The following PATJ variants were observed in gnomAD, a reference collection of about 807,000 sequenced individuals.
PATJ encodes the protein PATJ crumbs cell polarity complex component.
A neutral mutation model predicts 224.9 loss-of-function variants in PATJ; 190 were observed. That is an observed-to-expected ratio of 0.84 (90% confidence interval 0.75 to 0.95). The LOEUF (loss-of-function observed/expected upper bound fraction) is 0.95. Among genes scored for constraint, PATJ ranks in the 40% least tolerant of loss-of-function variants. PATJ has a pLI of 0.00. For missense variants in PATJ, 2,121 were observed against 2,270.3 expected (o/e 0.93, Z 1.34); for synonymous variants, 769 against 820.3 (o/e 0.94, Z 1.07).
chr1:61,891,813 A>G (rs1305335059), intron 22 of PATJ, among the ~76,000 whole-genome samples: 1 of 152,190 alleles, frequency 6.6e-6, no homozygotes, highest in African/African-American at 2.4e-5. Flanking sequence ...CTACTAAGAT[A>G]TGTATACATT....
intron 20 of PATJ, among the ~76,000 whole-genome samples, chr1:61,870,585 G>C (rs1460286433): frequency 6.6e-6 from 1 of 152,090 alleles, no homozygotes; most frequent in African/African-American, 2.4e-5. Context: ...GGTTCCTATA[G>C]GTCCCCACCA....
rs1213068460 is a variant in PATJ at position 61,874,296 on chromosome 1, G to A, written c.2836-947G>A. 2.0e-5 allele frequency among the ~76,000 whole-genome samples: 3 copies of A among 151,962 alleles called. No homozygotes were observed. In the South Asian group the frequency reaches 6.2e-4, roughly 32 times the overall value. On this transcript the variant is annotated intron_variant, in intron 20 of 43. Coordinates refer to ENST00000642238, the MANE Select transcript of PATJ (RefSeq NM_001350145.3). Reference sequence around the variant, plus strand: ...AGCTCACTGCAACTTCTGCCTCCCAGATTCAAGTGGTTCTCCTCAGCCTCC... The same window carrying A: ...AGCTCACTGCAACTTCTGCCTCCCAAATTCAAGTGGTTCTCCTCAGCCTCC...
chr1:61,992,490 C>T (rs1261864516), intron 28 of PATJ, among the ~76,000 whole-genome samples: 1 of 152,080 alleles, frequency 6.6e-6, no homozygotes. Flanking sequence ...CTTTAGTCTT[C>T]AGGGAATCAT....
At chr1:61,908,231 G>T in intron 24 of PATJ, 141 bp from the exon 25 acceptor site, 3 of 587,474 alleles carry the variant, frequency 5.1e-6, no homozygotes, top group Non-Finnish European at 6.0e-6. Flanking sequence ...GCTTTTTATG[G>T]GCCAATCTTA....
intron 17 of PATJ, among the ~76,000 whole-genome samples, chr1:61,855,783 C>T (rs1663558598): frequency 6.6e-6 from 1 of 152,074 alleles, no homozygotes; most frequent in African/African-American, 2.4e-5. Flanking sequence ...TAATCTCAAA[C>T]TCTTGAGCTC....
At chr1:61,873,879 G>A (rs1021462209) in intron 20 of PATJ, among the ~76,000 whole-genome samples, 1 of 152,340 alleles carries the variant, frequency 6.6e-6, no homozygotes, top group African/African-American at 2.4e-5. Flanking sequence ...GAGGAGCCTG[G>A]CCTCTTCAGC....
At chr1:62,003,901 C>T (rs1645940461) in intron 28 of PATJ, among the ~76,000 whole-genome samples, 1 of 152,050 alleles carries the variant, frequency 6.6e-6, no homozygotes, top group East Asian at 1.9e-4. Context: ...CTTCTCTCCT[C>T]CCCACCCCGA....
intron 27 of PATJ, among the ~76,000 whole-genome samples, chr1:61,931,290 G>T (rs1286388347): frequency 6.6e-6 from 1 of 152,110 alleles, no homozygotes; most frequent in Non-Finnish European, 1.5e-5. Flanking sequence ...TTAGATTCTG[G>T]TGGGGAGAAA....
chr1:62,128,905 T>G lies in PATJ; in HGVS notation c.5231T>G (p.Val1744Gly), dbSNP rs144099028. 1 of 1,613,498 alleles carries G rather than the reference T, an allele frequency of 6.2e-7. No individual in the cohort carries two copies. Among genetic ancestry groups the G allele is most frequent in the Non-Finnish European group, 8.5e-7 (1 of 1,179,480 alleles). Residue 1744 changes from valine (V) to glycine (G), a missense_variant, in exon 41 of 44, where the codon GTT (valine) becomes GGT (glycine). By Grantham distance (109) the Val-to-Gly change is moderately radical (BLOSUM62 -3). Coordinates refer to ENST00000642238, the MANE Select transcript of PATJ (RefSeq NM_001350145.3). ...GATGGGCTGTCTCACGCGGATGTGGTTAATCTGCTGAAGAACGCCTACGGG... is the reference window on the plus strand; with the variant it reads ...GATGGGCTGTCTCACGCGGATGTGGGTAATCTGCTGAAGAACGCCTACGGG... ...PLDGLSHADVVNLLKNAYGRI... is the reference protein window; with the variant it reads ...PLDGLSHADVGNLLKNAYGRI...
At chr1:61,986,007 TAAC>T in intron 27 of PATJ, among the ~76,000 whole-genome samples, 1 of 152,106 alleles carries the variant, frequency 6.6e-6, no homozygotes, top group South Asian at 2.1e-4. Context: ...ACTTTTAAGG[TAAC>T]AACCCCATTT....
intron 20 of PATJ, among the ~76,000 whole-genome samples, chr1:61,874,123 A>C (rs1401283418): frequency 6.6e-6 from 1 of 152,096 alleles, no homozygotes; most frequent in Non-Finnish European, 1.5e-5. Context: ...GTCATCCTTT[A>C]GCTGTGTCCT....
intron 7 of PATJ, among the ~76,000 whole-genome samples, chr1:61,776,022 C>T (rs1162350790): frequency 6.6e-6 from 1 of 152,028 alleles, no homozygotes; most frequent in Non-Finnish European, 1.5e-5. Flanking sequence ...TGATTATTGC[C>T]CAGTTACATA....
At chr1:61,871,954 C>T (rs1249580960) in intron 20 of PATJ, among the ~76,000 whole-genome samples, 1 of 151,674 alleles carries the variant, frequency 6.6e-6, no homozygotes, top group African/African-American at 2.4e-5. Context: ...GGTCCACCCA[C>T]CTCGGCCTCC....
chr1:62,117,380 G>A (rs1210734123), intron 37 of PATJ, 162 bp downstream of exon 37: 4 of 1,417,908 alleles, frequency 2.8e-6, no homozygotes, highest in Non-Finnish European at 3.7e-6. Context: ...AATGAAAGGT[G>A]GGATGGAAAT....
In PATJ at chr1:62,115,216, A is replaced by G. The variant is rs192557172; in HGVS notation, c.4655+970A>G. ...TCCCAGCTACTTGGGAGACTGAGGCAGGAGAATTGCTTGAACTTGGGAGGT... is the reference window on the plus strand; with the variant it reads ...TCCCAGCTACTTGGGAGACTGAGGCGGGAGAATTGCTTGAACTTGGGAGGT... On this transcript the variant is annotated intron_variant, in intron 35 of 43. Coordinates refer to ENST00000642238, the MANE Select transcript of PATJ (RefSeq NM_001350145.3). Among the ~76,000 whole-genome samples, 513 of 152,298 alleles carry G rather than the reference A, an allele frequency of 3.4e-3. 2 individuals carry two copies. The highest frequency in any genetic ancestry group is 0.012 in the African/African-American group (490 of 41,568).
At chr1:61,799,417 A>G (rs775483731) in intron 11 of PATJ, among the ~76,000 whole-genome samples, 21 of 152,104 alleles carry the variant, frequency 1.4e-4, no homozygotes, top group Non-Finnish European at 1.2e-4. Context: ...GGCTGGTCTC[A>G]AACTCCTGGC....
chr1:61,986,372 A>T (rs1644756035), intron 27 of PATJ, among the ~76,000 whole-genome samples: 1 of 152,076 alleles, frequency 6.6e-6, no homozygotes, highest in Non-Finnish European at 1.5e-5. Flanking sequence ...AATTTTATTT[A>T]AAAAACCTGT....
chr1:61,894,272 C>A (rs199604578), intron 22 of PATJ, among the ~76,000 whole-genome samples: 3,178 of 144,500 alleles, frequency 0.022, 70 homozygotes, highest in East Asian at 0.09. Flanking sequence ...AAAAAAAACA[C>A]AAAAAAAAAA....
At chr1:61,766,197 A>G (rs949822625) in intron 3 of PATJ, 82 bp from the exon 4 acceptor site, 6 of 903,518 alleles carry the variant, frequency 6.6e-6, no homozygotes, top group Non-Finnish European at 1.0e-5. Context: ...CAAAGTATCT[A>G]TGTAATGGTC....
Sources: gnomAD v4.1 joint callset for allele counts (sites outside exome capture counted in the v4.1 genomes callset) on GRCh38, gnomAD v4.1.1 for gene constraint, MANE v1.5 for transcripts, NCBI Gene and HGNC (gene_info 2026-07-23, HGNC 2026-07-21) for gene names.